RGL1: variants seen among roughly 807,000 people sequenced by gnomAD.
The protein encoded by RGL1 is ral guanine nucleotide dissociation stimulator-like 1.
In RGL1, 24 loss-of-function variants were observed where a neutral mutation model predicts 95.2. The ratio of observed to expected loss-of-function variants is 0.25; its 90% CI spans 0.18 to 0.35. RGL1 has a LOEUF of 0.35. Among genes scored for constraint, RGL1 ranks in the 10% least tolerant of loss-of-function variants. The pLI is 1.00. For missense variants in RGL1, 715 were observed against 936.3 expected, an observed-to-expected ratio of 0.76 and a Z score of 3.08; for synonymous variants, 329 against 344.9, an observed-to-expected ratio of 0.95 and a Z score of 0.51.
At chr1:183,736,540 A>G (rs938576354) in intron 1 of RGL1, among the ~76,000 whole-genome samples, 1 of 152,250 alleles carries the variant, frequency 6.6e-6, no homozygotes, top group African/African-American at 2.4e-5. Flanking sequence ...GAGTAAAACT[A>G]AAATGCAAAG....
At chr1:183,789,977 G>A (rs1233912763) in intron 2 of RGL1, among the ~76,000 whole-genome samples, 1 of 151,788 alleles carries the variant, frequency 6.6e-6, no homozygotes, top group Admixed American at 6.6e-5. Context: ...CTGGAGTGCA[G>A]TGGCATGATC....
At chr1:183,731,875 A>G (rs182459579) in intron 1 of RGL1, among the ~76,000 whole-genome samples, 2 of 152,088 alleles carry the variant, frequency 1.3e-5, no homozygotes, top group Non-Finnish European at 2.9e-5. Flanking sequence ...TTCTTCTCAT[A>G]CGATTGTAGA....
At chr1:183,882,310 G>A (rs1041229871) in intron 5 of RGL1, among the ~76,000 whole-genome samples, 4 of 152,220 alleles carry the variant, frequency 2.6e-5, no homozygotes, top group African/African-American at 9.7e-5. Context: ...TGAATGGAAA[G>A]ATCAAGCCTT....
chr1:183,641,924 A>C (rs528939330), intron 1 of RGL1, among the ~76,000 whole-genome samples: 1 of 152,202 alleles, frequency 6.6e-6, no homozygotes, highest in Non-Finnish European at 1.5e-5. Context: ...TTGCCAATTT[A>C]TTGGCAAGAA....
chr1:183,678,641 C>T (rs764101303), intron 1 of RGL1, among the ~76,000 whole-genome samples: 1 of 150,632 alleles, frequency 6.6e-6, no homozygotes, highest in African/African-American at 2.4e-5. Flanking sequence ...CTTCCTCTGT[C>T]GCCAGGCTGG....
At chr1:183,868,402 C>G (rs1452197830) in intron 4 of RGL1, among the ~76,000 whole-genome samples, 1 of 152,124 alleles carries the variant, frequency 6.6e-6, no homozygotes, top group Non-Finnish European at 1.5e-5. Context: ...GGTGATTTTT[C>G]AGAATGGGTT....
At chr1:183,919,403 C>T (rs924497203) in intron 16 of RGL1, among the ~76,000 whole-genome samples, 41 of 152,158 alleles carry the variant, frequency 2.7e-4, no homozygotes, top group African/African-American at 9.7e-4. Context: ...CAATTCCATC[C>T]ACCATAGCTT....
intron 1 of RGL1, among the ~76,000 whole-genome samples, chr1:183,700,001 A>G (rs1199900474): frequency 2.0e-5 from 3 of 152,106 alleles, no homozygotes; most frequent in Non-Finnish European, 4.4e-5. Context: ...TGACTGGACC[A>G]TTGTATATCA....
At chr1:183,785,791 CA>C (rs1417268828) in intron 2 of RGL1, among the ~76,000 whole-genome samples, 13 of 152,144 alleles carry the variant, frequency 8.5e-5, no homozygotes, top group Admixed American at 2.0e-4. Flanking sequence ...ATCCTTTATT[CA>C]AAATGCTTTT....
intron 2 of RGL1, among the ~76,000 whole-genome samples, chr1:183,759,114 C>T (rs79855526): frequency 0.037 from 5,697 of 152,142 alleles, 118 homozygotes; most frequent in East Asian, 0.08. Flanking sequence ...CACGTGCAGC[C>T]ATAAGAGATA....
At chr1:183,890,396 T>C (rs1260905948) in intron 8 of RGL1, among the ~76,000 whole-genome samples, 2 of 152,164 alleles carry the variant, frequency 1.3e-5, no homozygotes, top group East Asian at 3.8e-4. Flanking sequence ...TAAAACTATT[T>C]TCTAAAGACA....
chr1:183,749,538 T>C (rs1364564015), intron 2 of RGL1, among the ~76,000 whole-genome samples: 1 of 152,238 alleles, frequency 6.6e-6, no homozygotes, highest in Non-Finnish European at 1.5e-5. Flanking sequence ...TGTCTTTTAA[T>C]TGGGGCATTT....
chr1:183,752,904 C>G (rs538444635), intron 2 of RGL1, among the ~76,000 whole-genome samples: 1 of 152,252 alleles, frequency 6.6e-6, no homozygotes, highest in African/African-American at 2.4e-5. Context: ...TTCTCTATAA[C>G]TGTTTAGATC....
chr1:183,892,631 A>G (rs1325459457), intron 9 of RGL1, among the ~76,000 whole-genome samples: 1 of 152,212 alleles, frequency 6.6e-6, no homozygotes, highest in Non-Finnish European at 1.5e-5. Flanking sequence ...TCTGAATGAC[A>G]CACTAGGTAA....
intron 3 of RGL1, among the ~76,000 whole-genome samples, chr1:183,863,514 C>T (rs1247440381): frequency 6.6e-6 from 1 of 151,880 alleles, no homozygotes; most frequent in African/African-American, 2.4e-5. Context: ...ATCTGATCTA[C>T]CTAAAGCAGA....
At chr1:183,855,923 T>C (rs1251774326) in intron 3 of RGL1, among the ~76,000 whole-genome samples, 1 of 152,202 alleles carries the variant, frequency 6.6e-6, no homozygotes, top group East Asian at 1.9e-4. Flanking sequence ...TTAATTTTAG[T>C]AACCTCCTAC....
chr1:183,672,086 C>A (rs1008860910), intron 1 of RGL1, among the ~76,000 whole-genome samples: 1 of 152,038 alleles, frequency 6.6e-6, no homozygotes, highest in African/African-American at 2.4e-5. Flanking sequence ...GCACCCACCA[C>A]CATGCCTGGC....
chr1:183,640,175 T>C (rs78714242), intron 1 of RGL1, among the ~76,000 whole-genome samples: 10,437 of 152,222 alleles, frequency 0.069, 625 homozygotes, highest in African/African-American at 0.16. Context: ...GAAGTTCACA[T>C]AAACTGCTTG....
intron 2 of RGL1, among the ~76,000 whole-genome samples, chr1:183,815,160 G>T (rs1021500577): frequency 1.2e-4 from 18 of 152,118 alleles, no homozygotes; most frequent in Admixed American, 1.2e-3. Flanking sequence ...TGTAATCCCA[G>T]CTGCTGGGGA....
Sources: allele counts gnomAD v4.1 joint callset (sites outside exome capture counted in the v4.1 genomes callset), GRCh38; gene constraint gnomAD v4.1.1; transcripts MANE v1.5; gene names NCBI Gene and HGNC (gene_info 2026-07-23, HGNC 2026-07-21).